The following SLC7A9 variants were observed in gnomAD, a reference collection of about 807,000 sequenced individuals.
The protein encoded by SLC7A9 is B(0,+)-type amino acid transporter 1.
SLC7A9 carries 38 observed loss-of-function variants against 54.1 expected under a neutral mutation model. The observed-to-expected ratio is 0.70, with a 90% CI of 0.54 to 0.92. The LOEUF is 0.92. Ranked by LOEUF, SLC7A9 falls within the 40% of genes least tolerant of loss-of-function variation. The probability of loss-of-function intolerance (pLI) is 0.00; values close to 1 mark genes in which losing one functional copy is unlikely to be tolerated. For missense variants in SLC7A9, 537 were observed against 636.1 expected, an observed-to-expected ratio of 0.84 and a Z score of 1.68; for synonymous variants, 264 against 258.9, an observed-to-expected ratio of 1.02 and a Z score of -0.19.
intron 9 of SLC7A9, among the ~76,000 whole-genome samples, chr19:32,850,718 C>T (rs1157850371): frequency 3.3e-5 from 5 of 152,154 alleles, no homozygotes; most frequent in African/African-American, 9.7e-5. Context: ...ATTGCCAAGT[C>T]AATCCTAAGC....
At position 32,842,322 on chromosome 19, in the gene SLC7A9, T is replaced by C. The variant is rs1353906162; in HGVS notation, c.1075-5A>G. 5.0e-6 allele frequency: 8 copies of C among 1,612,344 alleles called. No homozygotes were observed. Among genetic ancestry groups the C allele is most frequent in the Non-Finnish European group, 6.8e-6 (8 of 1,178,690 alleles). On this transcript the variant is annotated splice_region_variant and splice_polypyrimidine_tract_variant and intron_variant, in intron 10 of 12. Coordinates refer to ENST00000023064, the MANE Select transcript of SLC7A9 (RefSeq NM_014270.5). ...ATAAATCGTTGCTATGATACCCTAA[T>C]AGAAAGAAGAATGGATTTGTAGGTC...
rs770974990 is a variant in SLC7A9, at chr19:32,864,789, G to A, written c.88-13C>T. The A allele has an allele frequency of 6.2e-7, 1 of 1,614,036 alleles. No homozygotes were observed. Among genetic ancestry groups the A allele is most frequent in the South Asian group, 1.1e-5 (1 of 91,076 alleles). On this transcript the variant is annotated splice_polypyrimidine_tract_variant and intron_variant, in intron 2 of 12. Transcript: ENST00000023064. ...TGATGAGGCCCAGCTGGGTGTGGAG[G>A]AAGGAAGAGGGCGTTAGTGCCACGC...
At position 32,864,195 on chromosome 19, in the gene SLC7A9, T is replaced by C. The variant is rs1229809708; in HGVS notation, c.379A>G (p.Ile127Val). ...TACTCGGAGAAGCTGAGGCAGATGATGGCGAAGGACGTGGGCTTAATGACG... is the reference window on the plus strand; with the variant it reads ...TACTCGGAGAAGCTGAGGCAGATGACGGCGAAGGACGTGGGCTTAATGACG... ...LIVIKPTSFAIICLSFSEYVC... is the reference protein window; with the variant it reads ...LIVIKPTSFAVICLSFSEYVC... Residue 127 changes from isoleucine to valine, a missense_variant, in exon 4 of 13, where the codon ATC becomes GTC. Physicochemically the swap from Ile to Val is conservative, Grantham distance 29. Transcript: ENST00000023064. 1.2e-6 allele frequency: 2 copies of C among 1,614,180 alleles called. No individual in the cohort carries two copies. The highest frequency in any genetic ancestry group is 2.2e-5 in the East Asian group (1 of 44,888).
rs368278789 is a variant in SLC7A9 at position 32,860,590 on chromosome 19, C to T, written c.749+16G>A. ...GGCTGCCCGGCTACTGTCCTCTGCA[C>T]TGATTCAGCTGTTACCTGTAAGGGT... On this transcript the variant is annotated intron_variant, in intron 7 of 12. Transcript: ENST00000023064. 1.2e-6 allele frequency: 2 copies of T among 1,614,050 alleles called. No individual in the cohort carries two copies. The highest frequency in any genetic ancestry group is 2.7e-5 in the African/African-American group (2 of 74,920).
intron 11 of SLC7A9, among the ~76,000 whole-genome samples, chr19:32,836,070 C>T (rs923199954): frequency 7.2e-5 from 11 of 152,054 alleles, no homozygotes; most frequent in African/African-American, 2.2e-4. Flanking sequence ...CCCGCCACCA[C>T]GCCCGGCTAA....
chr19:32,844,517 T>G (rs1391353342), intron 9 of SLC7A9, among the ~76,000 whole-genome samples: 1 of 152,020 alleles, frequency 6.6e-6, no homozygotes, highest in Non-Finnish European at 1.5e-5. Flanking sequence ...CTAACCAGAA[T>G]TTCTTGAAAA....
chr19:32,833,258 G>A lies in SLC7A9; in HGVS notation c.1290C>T (p.Ile430=), dbSNP rs771287087. 1.4e-5 allele frequency: 23 copies of A among 1,614,092 alleles called. No individual in the cohort carries two copies. In the African/African-American group the frequency reaches 3.1e-4, roughly 22 times the overall value. ...AGAGGTACTCCCAGGTGGGCTTGCT[G>A]ATGATTGGAGCCAGAACCAAAAACA... is the stretch of plus-strand genomic sequence containing the variant. The part of the protein sequence containing the change: ...ISVFLVLAPI[I]SKPTWEYLYC... The change falls in exon 12 of 13, where the codon ATC becomes ATT. Residue 430 remains isoleucine (I), a synonymous_variant. Transcript: ENST00000023064.
intron 9 of SLC7A9, among the ~76,000 whole-genome samples, chr19:32,848,654 G>A (rs1599667386): frequency 6.6e-6 from 1 of 152,252 alleles, no homozygotes; most frequent in East Asian, 1.9e-4. Flanking sequence ...GAATACCCAG[G>A]AATTGAACTC....
intron 11 of SLC7A9, 93 bp downstream of exon 11, chr19:32,842,075 G>A: frequency 1.6e-6 from 2 of 1,229,228 alleles, no homozygotes; most frequent in South Asian, 1.2e-5. Context: ...AGTCAGATTG[G>A]AACTAGAAGG....
rs187153196 is a variant in SLC7A9, at chr19:32,855,949, G to T, written c.977+2491C>A. On this transcript the variant is annotated intron_variant, in intron 9 of 12. Coordinates refer to ENST00000023064, the MANE Select transcript of SLC7A9 (RefSeq NM_014270.5). Reference sequence around the variant, plus strand: ...GTCTTGGTAAATTCTTCTTATCCCTGTACCACCAGCCCAGATAGTTGTAAT... The same window carrying T: ...GTCTTGGTAAATTCTTCTTATCCCTTTACCACCAGCCCAGATAGTTGTAAT... Among the ~76,000 whole-genome samples, 139 of 152,114 alleles carry T rather than the reference G, an allele frequency of 9.1e-4. 1 individual carries two copies. The highest frequency in any genetic ancestry group is 3.1e-3 in the African/African-American group (129 of 41,502).
intron 9 of SLC7A9, among the ~76,000 whole-genome samples, chr19:32,854,702 C>T (rs1426879607): frequency 1.3e-5 from 2 of 152,142 alleles, no homozygotes; most frequent in Non-Finnish European, 2.9e-5. Flanking sequence ...ATTCTCCTGC[C>T]TCAGCCTCCT....
chr19:32,859,579 T>A (rs1018087121), intron 8 of SLC7A9, among the ~76,000 whole-genome samples: 3 of 152,060 alleles, frequency 2.0e-5, no homozygotes, highest in Non-Finnish European at 4.4e-5. Context: ...ATATATATAT[T>A]TTTTAATATA....
chr19:32,835,187 G>T (rs1271730180), intron 11 of SLC7A9, among the ~76,000 whole-genome samples: 1 of 152,148 alleles, frequency 6.6e-6, no homozygotes, highest in Admixed American at 6.5e-5. Flanking sequence ...GTGTAACTGG[G>T]TTCTGTTTGT....
rs9304838 is a variant in SLC7A9, at chr19:32,841,922, C to G, written c.1224+246G>C. 0.59 allele frequency among the ~76,000 whole-genome samples: 89,107 copies of G among 151,970 alleles called. 26,981 individuals carry two copies. Among genetic ancestry groups the G allele is most frequent in the East Asian group, 0.83 (4,269 of 5,166 alleles). ...ACTCTGCCTCAAAACAAATGAGAGC[C>G]AGGTGGACCTCTTTGGTTACAGAGA... On this transcript the variant is annotated intron_variant, in intron 11 of 12. Coordinates refer to ENST00000023064, the MANE Select transcript of SLC7A9 (RefSeq NM_014270.5).
At chr19:32,869,209 C>T (rs1183268270) in intron 1 of SLC7A9, among the ~76,000 whole-genome samples, 5 of 151,626 alleles carry the variant, frequency 3.3e-5, no homozygotes, top group Admixed American at 2.6e-4. Flanking sequence ...GGCCACAGAG[C>T]GAGATTCTGT....
chr19:32,858,596 G>T, intron 8 of SLC7A9, 53 bp from the exon 9 acceptor site: 3 of 1,447,656 alleles, frequency 2.1e-6, no homozygotes, highest in South Asian at 1.2e-5. Context: ...CTCCAAGAGC[G>T]GCCGGCCCCC....
intron 12 of SLC7A9, 99 bp downstream of exon 12, chr19:32,833,050 G>T: frequency 1.8e-6 from 2 of 1,136,476 alleles, no homozygotes; most frequent in South Asian, 1.2e-5. Flanking sequence ...TGCCAGCAGG[G>T]TGAGACACTG....
At chr19:32,834,980 G>A (rs1017379512) in intron 11 of SLC7A9, among the ~76,000 whole-genome samples, 1 of 152,076 alleles carries the variant, frequency 6.6e-6, no homozygotes, top group African/African-American at 2.4e-5. Context: ...AGTAGAGACA[G>A]GGTTTCACCA....
intron 2 of SLC7A9, among the ~76,000 whole-genome samples, chr19:32,865,462 C>A (rs1968940055): frequency 6.6e-6 from 1 of 152,224 alleles, no homozygotes; most frequent in African/African-American, 2.4e-5. Context: ...AGCCGCCGTG[C>A]CTGGCCCAGT....
Sources: allele counts gnomAD v4.1 joint callset (sites outside exome capture counted in the v4.1 genomes callset), GRCh38; gene constraint gnomAD v4.1.1; transcripts MANE v1.5; gene names NCBI Gene and HGNC (gene_info 2026-07-23, HGNC 2026-07-21).